NHS: variants seen among roughly 807,000 people sequenced by gnomAD.
NHS encodes the protein actin remodeling regulator NHS.
In NHS, 5 loss-of-function variants were observed where a neutral mutation model predicts 72.5. The observed-to-expected ratio is 0.07, with a 90% confidence interval of 0.04 to 0.14. The LOEUF (loss-of-function observed/expected upper bound fraction) is 0.14, where lower values mean the gene tolerates loss of function less well. Ranked by LOEUF, NHS falls within the 10% of genes least tolerant of loss-of-function variation. NHS has a pLI of 1.00. For missense variants in NHS, 1,072 were observed against 1,355.7 expected (o/e 0.79, Z 3.29); for synonymous variants, 464 against 547.7 (o/e 0.85, Z 2.13).
rs376052969 is a variant in NHS at position 17,567,837 on chromosome X, AAAAG to A, written c.566-119899_566-119896del. 3.3e-3 allele frequency among the ~76,000 whole-genome samples: 363 copies of A among 111,202 alleles called. 2 individuals are homozygous for A. The highest frequency in any genetic ancestry group is 0.014 in the Middle Eastern group (3 of 215). Reference sequence around the variant, plus strand: ...GAGGGAGGAAGAAGGGAGAAAGGGAAAAAGAAAGAGGGAGAGAAAAGATAGGGAC... The same window carrying A: ...GAGGGAGGAAGAAGGGAGAAAGGGAAAAAGAGGGAGAGAAAAGATAGGGAC... On this transcript the variant is annotated intron_variant, in intron 1 of 8. Coordinates refer to ENST00000676302, the MANE Select transcript of NHS (RefSeq NM_001291867.2).
intron 3 of NHS, among the ~76,000 whole-genome samples, chrX:17,712,231 C>G (rs1341405170): frequency 5.5e-5 from 4 of 72,625 alleles, no homozygotes; most frequent in African/African-American, 2.0e-4. Context: ...TTAATATATG[C>G]TTATTGGCCT....
At chrX:17,597,268 C>T (rs2065629056) in intron 1 of NHS, among the ~76,000 whole-genome samples, 1 of 108,730 alleles carries the variant, frequency 9.2e-6, no homozygotes. Context: ...TACAGGCGCC[C>T]GCTACCATGC....
In NHS at chrX:17,559,729, G is replaced by A. The variant is rs148806905; in HGVS notation, c.566-128013G>A. Among the ~76,000 whole-genome samples, 600 of 111,634 alleles carry A rather than the reference G, an allele frequency of 5.4e-3. 5 individuals carry two copies. The highest frequency in any genetic ancestry group is 0.019 in the African/African-American group (580 of 30,702). ...CAGTCCAGACATGCAAGGGAATTCAGACACCTCCCAAGAGCCCTCATCCAC... is the reference window on the plus strand; with the variant it reads ...CAGTCCAGACATGCAAGGGAATTCAAACACCTCCCAAGAGCCCTCATCCAC... On this transcript the variant is annotated intron_variant, in intron 1 of 8. Coordinates refer to ENST00000676302, the MANE Select transcript of NHS (RefSeq NM_001291867.2).
Position 17,396,957 on chromosome X carries a change from TA to T in NHS, c.565+20644del, listed in dbSNP as rs200670205. On this transcript the variant is annotated intron_variant, in intron 1 of 8. Transcript: ENST00000676302. ...TTTTTTTCATACTCATTCCCCACCT[TA>T]AAAAAAAAGCTACTAAATTCACCAG... 2.2e-3 allele frequency among the ~76,000 whole-genome samples: 240 copies of T among 110,515 alleles called. 2 individuals are homozygous for T. Among genetic ancestry groups the T allele is most frequent in the African/African-American group, 7.7e-3 (235 of 30,536 alleles).
chrX:17,414,156 A>G (rs761326839), intron 1 of NHS, among the ~76,000 whole-genome samples: 6 of 112,644 alleles, frequency 5.3e-5, no homozygotes, highest in Non-Finnish European at 9.4e-5. Flanking sequence ...AGACAATGTC[A>G]AGATGAGAAT....
chrX:17,654,589 G>T (rs1243350501), intron 1 of NHS, among the ~76,000 whole-genome samples: 1 of 112,720 alleles, frequency 8.9e-6, no homozygotes, highest in South Asian at 3.6e-4. Flanking sequence ...TTTCACAATT[G>T]TGAATTCTGG....
chrX:17,514,032 C>G (rs375345803), intron 1 of NHS, among the ~76,000 whole-genome samples: 8 of 111,779 alleles, frequency 7.2e-5, no homozygotes, highest in East Asian at 2.8e-4. Context: ...AAAGAGAGAG[C>G]TTGTGCAGGG....
chrX:17,536,463 A>G (rs1399007646), intron 1 of NHS, among the ~76,000 whole-genome samples: 1 of 113,010 alleles, frequency 8.8e-6, no homozygotes, highest in African/African-American at 3.2e-5. Context: ...ATCCCTGGGC[A>G]ATAACATCTC....
In NHS at chrX:17,725,583, A is replaced by G; in HGVS notation, c.1477A>G (p.Met493Val). The G allele has an allele frequency of 8.3e-7, 1 of 1,211,519 alleles. No homozygotes were observed. ...ISALADKGDT[M>V]FTPAVSSRTR... The stretch of plus-strand genomic sequence containing the variant: ...TGCCCTAGCAGACAAAGGTGACACC[A>G]TGTTTACTCCTGCAGTGAGCAGCCG... Residue 493 changes from methionine (M) to valine (V), a missense_variant, in exon 7 of 9, where the codon ATG (methionine) becomes GTG (valine). Physicochemically the swap from Met to Val is conservative, Grantham distance 21 (BLOSUM62 1). Coordinates refer to ENST00000676302, the MANE Select transcript of NHS (RefSeq NM_001291867.2).
At chrX:17,478,748 T>C (rs1322151849) in intron 1 of NHS, among the ~76,000 whole-genome samples, 1 of 111,845 alleles carries the variant, frequency 8.9e-6, no homozygotes, top group Non-Finnish European at 1.9e-5. Flanking sequence ...AGACCAGTGC[T>C]GTCCAATAGG....
rs1370114428 is a variant in NHS at position 17,733,850 on chromosome X, G to A, written c.*1386G>A. 1 of 110,955 alleles carries A rather than the reference G, an allele frequency of 9.0e-6. No individual in the cohort carries two copies. Among genetic ancestry groups the A allele is most frequent in the Non-Finnish European group, 1.9e-5 (1 of 52,975 alleles). 9.1% of individuals were successfully genotyped at this position (110,955 alleles called of 1,213,427 possible). A position where few individuals can be genotyped will look rare whatever the true frequency, so the allele number is the denominator to read the frequency against. ...AAGGGGAGGGTGGAGGGTGGGAGAG[G>A]AAATGTCAGGGCATGTGCTCTGATA... On this transcript the variant is annotated 3_prime_UTR_variant, in exon 9 of 9. Coordinates refer to ENST00000676302, the MANE Select transcript of NHS (RefSeq NM_001291867.2).
At chrX:17,598,364 A>G (rs1386211560) in intron 1 of NHS, among the ~76,000 whole-genome samples, 1 of 112,751 alleles carries the variant, frequency 8.9e-6, no homozygotes, top group Non-Finnish European at 1.9e-5. Context: ...TGCCTAGGAA[A>G]TAAGTTTAAC....
In NHS at chrX:17,732,153, C is replaced by G; in HGVS notation, c.4645C>G (p.Pro1549Ala). 8.2e-7 allele frequency: 1 copy of G among 1,212,130 alleles called. No individual in the cohort carries two copies. The highest frequency in any genetic ancestry group is 1.1e-6 in the Non-Finnish European group (1 of 895,579). ...GAAGAGCCCCATACTGCCCAAACCTCCTGGGGAGCTCACAGCAGAGTCCCC... is the reference window on the plus strand; with the variant it reads ...GAAGAGCCCCATACTGCCCAAACCTGCTGGGGAGCTCACAGCAGAGTCCCC... ...ILKSPILPKPPGELTAESPQS... is the reference protein window; with the variant it reads ...ILKSPILPKPAGELTAESPQS... The change falls in exon 9 of 9, where the codon CCT becomes GCT. Residue 1549 changes from proline (P) to alanine (A), a missense_variant. Coordinates refer to ENST00000676302, the MANE Select transcript of NHS (RefSeq NM_001291867.2).
intron 1 of NHS, among the ~76,000 whole-genome samples, chrX:17,625,342 G>C (rs917601679): frequency 2.7e-5 from 3 of 111,131 alleles, no homozygotes; most frequent in Non-Finnish European, 3.8e-5. Flanking sequence ...AAATAGTTTT[G>C]ACTTTGCAGA....
intron 1 of NHS, among the ~76,000 whole-genome samples, chrX:17,466,240 G>T (rs2064870265): frequency 8.9e-6 from 1 of 112,937 alleles, no homozygotes; most frequent in Non-Finnish European, 1.9e-5. Flanking sequence ...ATGCCATATG[G>T]AAGTGGTTGG....
intron 3 of NHS, among the ~76,000 whole-genome samples, chrX:17,711,740 C>T (rs2066330187): frequency 9.0e-6 from 1 of 111,653 alleles, no homozygotes; most frequent in African/African-American, 3.3e-5. Context: ...AGCATGTACT[C>T]TTTTGGTGTC....
intron 1 of NHS, among the ~76,000 whole-genome samples, chrX:17,617,092 G>A (rs1164311494): frequency 4.5e-5 from 5 of 112,198 alleles, no homozygotes; most frequent in Admixed American, 3.8e-4. Context: ...CTGGCTTCCC[G>A]GGACTGTCGT....
chrX:17,716,628 C>T (rs2066365682), intron 3 of NHS, among the ~76,000 whole-genome samples: 1 of 111,461 alleles, frequency 9.0e-6, no homozygotes, highest in Non-Finnish European at 1.9e-5. Flanking sequence ...AGCCATAGAC[C>T]CTACAAAATC....
At position 17,597,116 on chromosome X, in the gene NHS, G is replaced by GTT. The variant is rs59820959; in HGVS notation, c.566-90606_566-90605dup. ...TTCAGGAACTTAAGACTATTCTTCC[G>GTT]TTTTTTTTTTTTTTTTTTTTTGATA... On this transcript the variant is annotated intron_variant, in intron 1 of 8. Transcript: ENST00000676302. Among the ~76,000 whole-genome samples, 248 of 83,245 alleles carry GTT rather than the reference G, an allele frequency of 3.0e-3. 1 individual carries two copies. Among genetic ancestry groups the GTT allele is most frequent in the Middle Eastern group, 0.012 (2 of 161 alleles). 72.3% of individuals were successfully genotyped at this position (83,245 alleles called of 115,157 possible). A position where few individuals can be genotyped will look rare whatever the true frequency, so the allele number is the denominator to read the frequency against.
Sources: gnomAD v4.1 joint callset for allele counts (sites outside exome capture counted in the v4.1 genomes callset) on GRCh38, gnomAD v4.1.1 for gene constraint, MANE v1.5 for transcripts, NCBI Gene and HGNC (gene_info 2026-07-23, HGNC 2026-07-21) for gene names.